The following ACYP2 variants were observed in gnomAD, a reference collection of about 807,000 sequenced individuals.
ACYP2 encodes acylphosphatase-2.
Under a neutral mutation model 11.2 loss-of-function variants are expected in ACYP2, and 12 were observed. That is an observed-to-expected ratio of 1.08 (90% CI 0.69 to 1.74). The LOEUF (loss-of-function observed/expected upper bound fraction) is 1.74. ACYP2 is among the 40% of genes most tolerant of loss of function. ACYP2 has a pLI of 0.00. For missense variants in ACYP2, 134 were observed against 101.9 expected (o/e 1.31, Z -1.35); for synonymous variants, 43 against 32.2 (o/e 1.33, Z -1.13).
chr2:54,250,149 G>A (rs1402303778), intron 6 of ACYP2, among the ~76,000 whole-genome samples: 3 of 151,920 alleles, frequency 2.0e-5, no homozygotes, highest in Admixed American at 6.6e-5. Context: ...TTAGTAAACC[G>A]GATTAAATTT....
chr2:54,083,237 CA>C (rs1307856664), intron 4 of ACYP2, among the ~76,000 whole-genome samples: 1 of 152,176 alleles, frequency 6.6e-6, no homozygotes, highest in Admixed American at 6.5e-5. Flanking sequence ...TGCCACCCGC[CA>C]GGGGTCAGTT....
chr2:53,979,205 C>G (rs13388005), intron 2 of ACYP2, among the ~76,000 whole-genome samples: 3,646 of 152,116 alleles, frequency 0.024, 144 homozygotes, highest in African/African-American at 0.084. Context: ...GGGGGTAGAA[C>G]AGAGTGATAT....
intron 4 of ACYP2, among the ~76,000 whole-genome samples, chr2:54,081,213 C>A (rs142438121): frequency 1.3e-5 from 2 of 152,070 alleles, no homozygotes; most frequent in African/African-American, 4.8e-5. Context: ...AGTTTGTGCT[C>A]CATGAGTACT....
At chr2:54,141,494 C>T (rs1681597074) in intron 6 of ACYP2, among the ~76,000 whole-genome samples, 1 of 151,948 alleles carries the variant, frequency 6.6e-6, no homozygotes, top group African/African-American at 2.4e-5. Context: ...GTTGTCCTGG[C>T]GCCACTTACT....
intron 6 of ACYP2, among the ~76,000 whole-genome samples, chr2:54,300,446 G>C (rs1448989051): frequency 6.6e-6 from 1 of 152,178 alleles, no homozygotes; most frequent in African/African-American, 2.4e-5. Flanking sequence ...TCTTCCCTGG[G>C]CAGCTCTCCT....
intron 4 of ACYP2, among the ~76,000 whole-genome samples, chr2:54,078,490 T>G (rs2103660806): frequency 6.6e-6 from 1 of 151,864 alleles, no homozygotes; most frequent in African/African-American, 2.4e-5. Context: ...TTGGAAGCTA[T>G]CCTTGTACCA....
chr2:54,020,637 G>A (rs1673956415), intron 2 of ACYP2, among the ~76,000 whole-genome samples: 1 of 152,336 alleles, frequency 6.6e-6, no homozygotes, highest in African/African-American at 2.4e-5. Flanking sequence ...GTCTACAGCT[G>A]CTTTCTTGTG....
intron 2 of ACYP2, among the ~76,000 whole-genome samples, chr2:54,028,099 T>A (rs1052876956): frequency 6.6e-6 from 1 of 152,120 alleles, no homozygotes; most frequent in African/African-American, 2.4e-5. Context: ...TACCTTGGCC[T>A]CCCAAAGTGC....
intron 2 of ACYP2, among the ~76,000 whole-genome samples, chr2:53,978,043 C>G (rs768914027): frequency 1.3e-5 from 2 of 152,042 alleles, no homozygotes; most frequent in Non-Finnish European, 2.9e-5. Context: ...AGGTGGATCA[C>G]TTGAGGTCAG....
At chr2:54,224,958 C>G (rs1685949688) in intron 6 of ACYP2, among the ~76,000 whole-genome samples, 1 of 152,206 alleles carries the variant, frequency 6.6e-6, no homozygotes. Flanking sequence ...CAAGGTTGCT[C>G]TTAAATTCAT....
intron 6 of ACYP2, among the ~76,000 whole-genome samples, chr2:54,186,844 T>C (rs1485603964): frequency 6.6e-6 from 1 of 152,112 alleles, no homozygotes; most frequent in East Asian, 1.9e-4. Flanking sequence ...GTGAAAATTA[T>C]AATTCGTGTT....
chr2:54,257,126 C>T (rs1180385578), intron 6 of ACYP2, among the ~76,000 whole-genome samples: 1 of 152,112 alleles, frequency 6.6e-6, no homozygotes, highest in Non-Finnish European at 1.5e-5. Context: ...GTAATCCTAG[C>T]ACTTTGAGAG....
intron 6 of ACYP2, among the ~76,000 whole-genome samples, chr2:54,198,988 C>T (rs1684636615): frequency 1.3e-5 from 2 of 152,182 alleles, no homozygotes; most frequent in Non-Finnish European, 2.9e-5. Flanking sequence ...ATTCCCTTTC[C>T]TTCTCTCGTC....
rs537133040 is a variant in ACYP2 at position 54,094,736 on chromosome 2, C to A, written c.277+37376C>A. ...TATTTTTTGTGGAGATGGTGTTTCA[C>A]CACGTTGGCCTGACTGGTCTCAAAC... is the stretch of plus-strand genomic sequence containing the variant. On this transcript the variant is annotated intron_variant, in intron 4 of 6. Coordinates refer to ENST00000607452, the MANE Select transcript of ACYP2 (RefSeq NM_001320586.2). Among the ~76,000 whole-genome samples the A allele has an allele frequency of 2.0e-4, 30 of 151,038 alleles. 1 individual carries two copies. The South Asian group carries it at 6.3e-3, about 32-fold the overall frequency.
intron 2 of ACYP2, among the ~76,000 whole-genome samples, chr2:54,038,866 G>GA (rs549424422): frequency 6.0e-5 from 9 of 150,452 alleles, no homozygotes; most frequent in Non-Finnish European, 1.3e-4. Context: ...AATTCTGCAG[G>GA]AAAAAAAAGT....
At chr2:54,195,890 T>C (rs1226601132) in intron 6 of ACYP2, among the ~76,000 whole-genome samples, 1 of 148,820 alleles carries the variant, frequency 6.7e-6, no homozygotes, top group Non-Finnish European at 1.5e-5. Context: ...TTCTGCCTCC[T>C]GGGTTCCAGC....
chr2:54,177,844 T>A (rs868113627), intron 6 of ACYP2, among the ~76,000 whole-genome samples: 4 of 150,496 alleles, frequency 2.7e-5, no homozygotes, highest in South Asian at 2.1e-4. Flanking sequence ...CCTCCCAGAG[T>A]GCTGGGATTA....
intron 4 of ACYP2, among the ~76,000 whole-genome samples, chr2:54,067,303 A>G (rs1676799388): frequency 6.6e-6 from 1 of 152,188 alleles, no homozygotes. Flanking sequence ...TCTTACCACA[A>G]AGCTGTAAAG....
At chr2:54,011,614 G>T (rs1016437468) in intron 2 of ACYP2, among the ~76,000 whole-genome samples, 1 of 152,124 alleles carries the variant, frequency 6.6e-6, no homozygotes, top group East Asian at 1.9e-4. Flanking sequence ...CCTTTCCCTA[G>T]TGGAAAATGG....
Sources: gnomAD v4.1 joint callset for allele counts (sites outside exome capture counted in the v4.1 genomes callset) on GRCh38, gnomAD v4.1.1 for gene constraint, MANE v1.5 for transcripts, NCBI Gene and HGNC (gene_info 2026-07-23, HGNC 2026-07-21) for gene names.